MYO3B: variants seen among roughly 807,000 people sequenced by gnomAD.
MYO3B encodes the protein myosin IIIB, also known as myosin-IIIb.
MYO3B carries 156 observed loss-of-function variants against 174.6 expected under a neutral mutation model. That is an observed-to-expected ratio of 0.89 (90% CI 0.78 to 1.02). MYO3B has a LOEUF of 1.02. MYO3B is among the 50% of genes least tolerant of loss of function. MYO3B has a pLI of 0.00. For synonymous variants in MYO3B, 563 were observed against 569.1 expected (o/e 0.99, Z 0.15); for missense variants, 1,632 against 1,639.4 (o/e 1.00, Z 0.08).
chr2:170,444,182 T>C, intron 23 of MYO3B, 136 bp downstream of exon 23: 1 of 581,594 alleles, frequency 1.7e-6, no homozygotes, highest in Non-Finnish European at 2.9e-6. Context: ...ATTAAAGGCA[T>C]TTAGGAAATC....
intron 23 of MYO3B, among the ~76,000 whole-genome samples, chr2:170,448,359 CA>C (rs1409016915): frequency 6.6e-6 from 1 of 152,184 alleles, no homozygotes; most frequent in Non-Finnish European, 1.5e-5. Flanking sequence ...AAGGTAGTTT[CA>C]GTCCCTTTCT....
intron 7 of MYO3B, among the ~76,000 whole-genome samples, chr2:170,270,701 G>A (rs1574689843): frequency 6.6e-6 from 1 of 152,146 alleles, no homozygotes; most frequent in East Asian, 1.9e-4. Flanking sequence ...CTCCAACGTG[G>A]CAAGGCTGTT....
intron 32 of MYO3B, among the ~76,000 whole-genome samples, chr2:170,572,385 G>A (rs891086298): frequency 1.9e-4 from 29 of 150,994 alleles, no homozygotes; most frequent in African/African-American, 9.8e-5. Flanking sequence ...CTGAGATTGC[G>A]CCACTGCATG....
intron 7 of MYO3B, among the ~76,000 whole-genome samples, chr2:170,252,861 T>A (rs2093268005): frequency 6.6e-6 from 1 of 151,814 alleles, no homozygotes; most frequent in African/African-American, 2.4e-5. Flanking sequence ...GGGAATGAGG[T>A]GGGAACATGG....
chr2:170,453,453 C>CACACACACACACACACGA (rs749891550), intron 23 of MYO3B, among the ~76,000 whole-genome samples: 2 of 123,062 alleles, frequency 1.6e-5, no homozygotes, highest in South Asian at 2.6e-4. Flanking sequence ...CACACACACA[C>CACACACACACACACACGA]GAGAGAGAGA....
chr2:170,378,714 T>C (rs1417267191), intron 9 of MYO3B, among the ~76,000 whole-genome samples: 1 of 152,226 alleles, frequency 6.6e-6, no homozygotes, highest in African/African-American at 2.4e-5. Context: ...AATTAAAACT[T>C]TCTACTAGAC....
chr2:170,511,112 T>A (rs955946877), intron 28 of MYO3B, among the ~76,000 whole-genome samples: 8 of 150,424 alleles, frequency 5.3e-5, no homozygotes, highest in Non-Finnish European at 1.2e-4. Context: ...TAGGCTGGAG[T>A]GCAGTGGTGC....
intron 7 of MYO3B, among the ~76,000 whole-genome samples, chr2:170,274,962 G>A (rs1435317291): frequency 6.6e-6 from 1 of 152,038 alleles, no homozygotes; most frequent in African/African-American, 2.4e-5. Flanking sequence ...ACATGATATT[G>A]CTTTTTGACT....
At chr2:170,546,993 A>G (rs138832713) in intron 32 of MYO3B, among the ~76,000 whole-genome samples, 131 of 152,194 alleles carry the variant, frequency 8.6e-4, no homozygotes, top group African/African-American at 3.1e-3. Flanking sequence ...GTCTCTAAAT[A>G]TGGGGCTTAA....
intron 7 of MYO3B, among the ~76,000 whole-genome samples, chr2:170,250,651 G>T (rs1256905604): frequency 2.6e-5 from 4 of 152,200 alleles, no homozygotes; most frequent in African/African-American, 9.6e-5. Flanking sequence ...TAGAGGGCCA[G>T]TGTGACAGCC....
At chr2:170,267,064 G>C (rs900943192) in intron 7 of MYO3B, among the ~76,000 whole-genome samples, 1 of 152,220 alleles carries the variant, frequency 6.6e-6, no homozygotes, top group Non-Finnish European at 1.5e-5. Flanking sequence ...AGCCAGGAAA[G>C]CTAGCTAGAC....
intron 16 of MYO3B, among the ~76,000 whole-genome samples, chr2:170,397,297 T>C (rs2094447095): frequency 6.6e-6 from 1 of 152,224 alleles, no homozygotes; most frequent in African/African-American, 2.4e-5. Flanking sequence ...TTTTTGGCTT[T>C]ACTGAGTAAT....
At chr2:170,632,008 G>T (rs1020904700) in intron 32 of MYO3B, among the ~76,000 whole-genome samples, 1 of 151,980 alleles carries the variant, frequency 6.6e-6, no homozygotes, top group Non-Finnish European at 1.5e-5. Flanking sequence ...AGACCCACAA[G>T]GAGACTTAGA....
intron 32 of MYO3B, among the ~76,000 whole-genome samples, chr2:170,566,066 T>TGA (rs1331476407): frequency 5.3e-5 from 8 of 152,188 alleles, no homozygotes; most frequent in African/African-American, 1.9e-4. Context: ...ACTTGAAATA[T>TGA]TAGTCTTCAT....
chr2:170,459,112 T>C (rs1684087728), intron 23 of MYO3B, among the ~76,000 whole-genome samples: 1 of 151,998 alleles, frequency 6.6e-6, no homozygotes, highest in Non-Finnish European at 1.5e-5. Context: ...AAAGGCAGAG[T>C]GGACCCAAAG....
chr2:170,521,618 T>A (rs1225106902), intron 30 of MYO3B, among the ~76,000 whole-genome samples: 2 of 152,190 alleles, frequency 1.3e-5, no homozygotes, highest in African/African-American at 4.8e-5. Context: ...CCTTGTGCAG[T>A]GTTCCTGCCA....
chr2:170,372,118 C>CAAAAAAAA (rs769243145), intron 9 of MYO3B, among the ~76,000 whole-genome samples: 258 of 22,146 alleles, frequency 0.012, 24 homozygotes, highest in African/African-American at 0.019. Flanking sequence ...GACCCTGTCT[C>CAAAAAAAA]AAAAAAAAAA....
chr2:170,442,515 T>A (rs1045225333), intron 22 of MYO3B, among the ~76,000 whole-genome samples: 12 of 121,926 alleles, frequency 9.8e-5, no homozygotes, highest in African/African-American at 3.3e-4. Context: ...TTTTTTTTTT[T>A]AATTATACTT....
At chr2:170,499,606 G>T in intron 26 of MYO3B, 40 bp from the exon 27 acceptor site, 1 of 1,589,248 alleles carries the variant, frequency 6.3e-7, no homozygotes. Context: ...TTTCTGTTGA[G>T]GAACCCATAT....
Sources: gnomAD v4.1 joint callset for allele counts (sites outside exome capture counted in the v4.1 genomes callset) on GRCh38, gnomAD v4.1.1 for gene constraint, MANE v1.5 for transcripts, NCBI Gene and HGNC (gene_info 2026-07-23, HGNC 2026-07-21) for gene names.